NCLN: variants seen among roughly 807,000 people sequenced by gnomAD.
The protein encoded by NCLN is BOS complex subunit NCLN.
In NCLN, 34 loss-of-function variants were observed where a neutral mutation model predicts 69.5. The ratio of observed to expected loss-of-function variants is 0.49; its 90% CI spans 0.37 to 0.65. NCLN has a LOEUF of 0.65. Ranked by LOEUF, NCLN falls within the 30% of genes least tolerant of loss-of-function variation. The pLI is 0.00. For synonymous variants in NCLN, 393 were observed against 358.3 expected, an observed-to-expected ratio of 1.10 and a Z score of -1.09; for missense variants, 710 against 804.8, an observed-to-expected ratio of 0.88 and a Z score of 1.42.
In NCLN at chr19:3,207,872, T is replaced by C. The variant is rs567961532; in HGVS notation, c.*184T>C. The C allele has an allele frequency of 5.1e-6, 3 of 591,296 alleles. No individual in the cohort carries two copies. In the South Asian group the frequency reaches 6.4e-5, roughly 13 times the overall value. The allele number at this position is 591,296 out of a possible 1,614,324, so 36.6% of individuals were successfully genotyped here. ...TTGCTCTCCGAGACTGGGGGGGGAT[T>C]GTTTCTTCTTTTCCTTGTCTTTGAA... On this transcript the variant is annotated 3_prime_UTR_variant, in exon 15 of 15. Coordinates refer to ENST00000246117, the MANE Select transcript of NCLN (RefSeq NM_020170.4).
At chr19:3,207,582 G>A (rs1468424012) in intron 14 of NCLN, 47 bp from the exon 15 acceptor site, 17 of 1,610,670 alleles carry the variant, frequency 1.1e-5, no homozygotes, top group Non-Finnish European at 1.4e-5. Context: ...CATGACCTGG[G>A]GCTCTGGCCC....
At chr19:3,196,591 T>C (rs560661006) in intron 4 of NCLN, among the ~76,000 whole-genome samples, 1 of 151,032 alleles carries the variant, frequency 6.6e-6, no homozygotes, top group East Asian at 1.9e-4. Context: ...CGGCTGCCCC[T>C]CCCAGGAAGC....
chr19:3,203,883 T>G (rs1916189873), intron 7 of NCLN, 39 bp downstream of exon 7: 2 of 1,601,322 alleles, frequency 1.2e-6, no homozygotes, highest in East Asian at 2.2e-5. Flanking sequence ...GCCGCGGTGG[T>G]GGTGCCGTGG....
At chr19:3,193,241 C>T (rs749716120) in intron 2 of NCLN, 43 bp from the exon 3 acceptor site, 1 of 1,542,356 alleles carries the variant, frequency 6.5e-7, no homozygotes, top group Non-Finnish European at 8.7e-7. Flanking sequence ...CCTTGCCACC[C>T]CCACCAGGCC....
At chr19:3,191,034 T>TGCGTGGCGGGCAGCAGGGAGATCGTCGC (rs1568309759) in intron 1 of NCLN, among the ~76,000 whole-genome samples, 2 of 125,670 alleles carry the variant, frequency 1.6e-5, no homozygotes, top group African/African-American at 6.2e-5. Context: ...GAGATCGTCG[T>TGCGTGGCGGGCAGCAGGGAGATCGTCGC]GGTGCGTGGC....
chr19:3,199,334 G>A (rs113309714), intron 5 of NCLN, among the ~76,000 whole-genome samples: 1,745 of 152,386 alleles, frequency 0.011, 15 homozygotes, highest in Non-Finnish European at 0.018. Flanking sequence ...TGTGTGTCAC[G>A]TGGAACACGC....
chr19:3,207,779 C>T lies in NCLN; in HGVS notation c.*91C>T. ...GGACACTGCCCCGCCGCGGGCGGCC[C>T]TGCAGGGACAGGGGCCCTCTCCCTC... On this transcript the variant is annotated 3_prime_UTR_variant, in exon 15 of 15. Transcript: ENST00000246117. 6 of 1,157,856 alleles carry T rather than the reference C, an allele frequency of 5.2e-6. No individual in the cohort carries two copies. Among genetic ancestry groups the T allele is most frequent in the Non-Finnish European group, 7.7e-6 (6 of 779,802 alleles). The allele number at this position is 1,157,856 out of a possible 1,614,324, so 71.7% of individuals were successfully genotyped here. A position where few individuals can be genotyped will look rare whatever the true frequency, so the allele number is the denominator to read the frequency against.
At chr19:3,191,302 C>T (rs554043183) in intron 1 of NCLN, among the ~76,000 whole-genome samples, 21 of 152,198 alleles carry the variant, frequency 1.4e-4, no homozygotes, top group African/African-American at 4.3e-4. Flanking sequence ...GAAGCCCTGG[C>T]GAGTTTCCAG....
chr19:3,201,614 G>C lies in NCLN; in HGVS notation c.788G>C (p.Arg263Pro). The C allele has an allele frequency of 6.7e-7, 1 of 1,494,480 alleles. No homozygotes were observed. Among genetic ancestry groups the C allele is most frequent in the East Asian group, 2.6e-5 (1 of 39,110 alleles). 92.6% of individuals were successfully genotyped at this position (1,494,480 alleles called of 1,614,324 possible). A position where few individuals can be genotyped will look rare whatever the true frequency, so the allele number is the denominator to read the frequency against. ...RLFSRLYTYKRTHAAYNLLFF... is the reference protein window; with the variant it reads ...RLFSRLYTYKPTHAAYNLLFF... ...TTCTCCCGGCTCTACACCTACAAGC[G>C]CACGCACGCCGCGTGAGTGCCGGGG... is the stretch of plus-strand genomic sequence containing the variant. Residue 263 changes from arginine to proline, a missense_variant, in exon 6 of 15, where the codon CGC becomes CCC. Coordinates refer to ENST00000246117, the MANE Select transcript of NCLN (RefSeq NM_020170.4).
rs373545215 is a variant in NCLN, at chr19:3,207,599, C to G, written c.1633-30C>G. Reference sequence around the variant, plus strand: ...TGACCTGGGGCTCTGGCCCCGCCCACATCCTCACTCCCTCCTGCTGTGTCC... The same window carrying G: ...TGACCTGGGGCTCTGGCCCCGCCCAGATCCTCACTCCCTCCTGCTGTGTCC... On this transcript the variant is annotated intron_variant, in intron 14 of 14. Transcript: ENST00000246117. 2.5e-6 allele frequency: 4 copies of G among 1,612,018 alleles called. No homozygotes were observed. In the East Asian group the frequency reaches 6.7e-5, roughly 27 times the overall value.
rs1188414797 is a variant in NCLN, at chr19:3,206,310, C to G, written c.1384C>G (p.Gln462Glu). ...CTCGGTGATGGACTGGCTCACCAACCAGCCGCGGGCCGCGCAGCTGGTGGA... is the reference window on the plus strand; with the variant it reads ...CTCGGTGATGGACTGGCTCACCAACGAGCCGCGGGCCGCGCAGCTGGTGGA... ...LDSVMDWLTN[Q>E]PRAAQLVDKD... is the part of the protein sequence containing the mutation. The change falls in exon 12 of 15, where the codon CAG (glutamine) becomes GAG (glutamate). Residue 462 changes from glutamine (Q) to glutamate (E), a missense_variant. Transcript: ENST00000246117. 6.5e-7 allele frequency: 1 copy of G among 1,548,222 alleles called. No individual in the cohort carries two copies. Among genetic ancestry groups the G allele is most frequent in the Non-Finnish European group, 8.7e-7 (1 of 1,146,904 alleles).
chr19:3,202,613 A>C (rs1043586676), intron 6 of NCLN, among the ~76,000 whole-genome samples: 1 of 152,166 alleles, frequency 6.6e-6, no homozygotes, highest in Non-Finnish European at 1.5e-5. Context: ...GCCTTCTCAC[A>C]GTCACAAGGC....
At chr19:3,190,621 G>C (rs899837858) in intron 1 of NCLN, among the ~76,000 whole-genome samples, 1 of 152,204 alleles carries the variant, frequency 6.6e-6, no homozygotes, top group Non-Finnish European at 1.5e-5. Context: ...CCAGCATCCA[G>C]CATCCACCTT....
intron 1 of NCLN, among the ~76,000 whole-genome samples, chr19:3,189,505 G>A (rs897192200): frequency 1.3e-5 from 2 of 152,258 alleles, no homozygotes; most frequent in Non-Finnish European, 2.9e-5. Flanking sequence ...GCCCGAGAGG[G>A]GAAAGGTTGG....
At chr19:3,189,240 A>G (rs1404725910) in intron 1 of NCLN, among the ~76,000 whole-genome samples, 1 of 152,040 alleles carries the variant, frequency 6.6e-6, no homozygotes, top group Non-Finnish European at 1.5e-5. Context: ...CGTTGAGCTT[A>G]TGGCCCATGT....
chr19:3,206,029 G>A lies in NCLN; in HGVS notation c.1296+3G>A. On this transcript the variant is annotated splice_donor_region_variant and intron_variant, in intron 10 of 14. Transcript: ENST00000246117. Reference sequence around the variant, plus strand: ...TCATCTACAACCTGACAGAGAAGGTGAGCCCTGAGCCCTCTGTGCCGCCAG... The same window carrying A: ...TCATCTACAACCTGACAGAGAAGGTAAGCCCTGAGCCCTCTGTGCCGCCAG... 2 of 1,612,390 alleles carry A rather than the reference G, an allele frequency of 1.2e-6. No homozygotes were observed. Among genetic ancestry groups the A allele is most frequent in the Non-Finnish European group, 1.7e-6 (2 of 1,179,916 alleles).
chr19:3,209,235 G>A lies in NCLN; in HGVS notation c.*1547G>A, dbSNP rs1394030794. The A allele has an allele frequency of 6.6e-6, 1 of 152,306 alleles. No homozygotes were observed. The highest frequency in any genetic ancestry group is 2.4e-5 in the African/African-American group (1 of 41,464). 9.4% of individuals were successfully genotyped at this position (152,306 alleles called of 1,614,324 possible). ...GGACAACCACCCCTCTTTCCTCCAG[G>A]TTGGCAGGGGACCCTCTTCTCCCGT... On this transcript the variant is annotated 3_prime_UTR_variant, in exon 15 of 15. Coordinates refer to ENST00000246117, the MANE Select transcript of NCLN (RefSeq NM_020170.4).
At position 3,206,254 on chromosome 19, in the gene NCLN, C is replaced by T. The variant is rs994526553; in HGVS notation, c.1336-8C>T. On this transcript the variant is annotated splice_region_variant and splice_polypyrimidine_tract_variant and intron_variant, in intron 11 of 14. Transcript: ENST00000246117. ...GCCAGGCCATGACTACCACCACCGT[C>T]CCTACAGCAGATCCAGCAGGAGCAG... 1.9e-6 allele frequency: 3 copies of T among 1,544,212 alleles called. No individual in the cohort carries two copies. In the African/African-American group the frequency reaches 4.1e-5, roughly 21 times the overall value.
chr19:3,193,380 C>G lies in NCLN; in HGVS notation c.472C>G (p.Gln158Glu). 1 of 1,611,618 alleles carries G rather than the reference C, an allele frequency of 6.2e-7. No individual in the cohort carries two copies. Among genetic ancestry groups the G allele is most frequent in the Non-Finnish European group, 8.5e-7 (1 of 1,179,918 alleles). ...EDEALLSIYKQTQAASASQGS... is the reference protein window; with the variant it reads ...EDEALLSIYKETQAASASQGS... ...CGAGGCCCTGCTGTCTATCTACAAG[C>G]AGACCCAGGCTGCCTCCGCCTCCCA... The change falls in exon 3 of 15, where the codon CAG becomes GAG. Residue 158 changes from glutamine to glutamate, a missense_variant. Gln to Glu is a conservative substitution (Grantham distance 29). Coordinates refer to ENST00000246117, the MANE Select transcript of NCLN (RefSeq NM_020170.4).
Sources: gnomAD v4.1 joint callset for allele counts (sites outside exome capture counted in the v4.1 genomes callset) on GRCh38, gnomAD v4.1.1 for gene constraint, MANE v1.5 for transcripts, NCBI Gene and HGNC (gene_info 2026-07-23, HGNC 2026-07-21) for gene names.